Variants in USH2A observed in about 807,000 individuals in gnomAD.
USH2A encodes the protein Usher syndrome 2A (autosomal recessive, mild).
Under a neutral mutation model 538.9 loss-of-function variants are expected in USH2A, and 443 were observed. The observed-to-expected ratio is 0.82, with a 90% CI of 0.76 to 0.89. The LOEUF is 0.89. Ranked by LOEUF, USH2A falls within the 40% of genes least tolerant of loss-of-function variation. The probability of loss-of-function intolerance (pLI) is 0.00; values close to 1 mark genes in which losing one functional copy is unlikely to be tolerated. For missense variants in USH2A, 6,633 were observed against 6,324.8 expected (o/e 1.05, Z -1.65); for synonymous variants, 2,413 against 2,273.5 (o/e 1.06, Z -1.75).
chr1:215,805,291 AAAAG>A (rs1427623444), intron 49 of USH2A, among the ~76,000 whole-genome samples: 6 of 152,168 alleles, frequency 3.9e-5, no homozygotes, highest in African/African-American at 1.4e-4. Context: ...TAATAAAAAA[AAAAG>A]AAAGAAAATG....
rs775124483 is a variant in USH2A, at chr1:215,816,971, T to C, written c.9570+26A>G. 16 of 1,609,980 alleles carry C rather than the reference T, an allele frequency of 9.9e-6. No homozygotes were observed. In the South Asian group the frequency reaches 1.5e-4, roughly 15 times the overall value. On this transcript the variant is annotated intron_variant, in intron 48 of 71. Transcript: ENST00000307340. ...GAGTCTTGAGTGAGAAAAACATGGTTCACTGATTAGTTAGAAAAGACTTAC... is the reference window on the plus strand; with the variant it reads ...GAGTCTTGAGTGAGAAAAACATGGTCCACTGATTAGTTAGAAAAGACTTAC...
At chr1:216,000,890 G>C (rs917035107) in intron 32 of USH2A, among the ~76,000 whole-genome samples, 25 of 152,246 alleles carry the variant, frequency 1.6e-4, no homozygotes, top group African/African-American at 5.3e-4. Context: ...AAATAAATGA[G>C]ATGTTTAAAT....
chr1:215,775,322 C>T (rs536942277), intron 55 of USH2A, among the ~76,000 whole-genome samples: 3 of 152,276 alleles, frequency 2.0e-5, no homozygotes, highest in South Asian at 4.1e-4. Context: ...ATTTTCATTT[C>T]GCACTGGACC....
intron 4 of USH2A, among the ~76,000 whole-genome samples, chr1:216,359,238 A>G (rs2038445078): frequency 6.6e-6 from 1 of 152,124 alleles, no homozygotes; most frequent in African/African-American, 2.4e-5. Context: ...TGGTACAACA[A>G]TCATATGGAA....
At chr1:216,411,730 A>T (rs1220721120) in intron 3 of USH2A, among the ~76,000 whole-genome samples, 2 of 152,140 alleles carry the variant, frequency 1.3e-5, no homozygotes, top group East Asian at 3.9e-4. Context: ...CAAACACCAG[A>T]TGCTGGAAGA....
chr1:216,277,449 C>A (rs2036691937), intron 11 of USH2A, among the ~76,000 whole-genome samples: 1 of 152,104 alleles, frequency 6.6e-6, no homozygotes, highest in Non-Finnish European at 1.5e-5. Context: ...AGCAGGTAGT[C>A]CCACCAATAT....
chr1:216,080,857 C>T (rs923651009), intron 26 of USH2A, among the ~76,000 whole-genome samples: 12 of 151,234 alleles, frequency 7.9e-5, no homozygotes, highest in African/African-American at 2.4e-4. Flanking sequence ...GGCTCAAATA[C>T]GGTCAAGTTG....
intron 9 of USH2A, among the ~76,000 whole-genome samples, chr1:216,297,136 G>A (rs191644761): frequency 6.6e-6 from 1 of 151,938 alleles, no homozygotes; most frequent in Admixed American, 6.6e-5. Flanking sequence ...GTGTTCTTGA[G>A]TAATTGCCTG....
intron 37 of USH2A, among the ~76,000 whole-genome samples, chr1:215,936,313 G>A: frequency 6.6e-6 from 1 of 151,860 alleles, no homozygotes; most frequent in Admixed American, 6.6e-5. Flanking sequence ...CAAAATGCAA[G>A]GTTTACAATA....
chr1:216,225,426 A>G (rs1224310875), intron 14 of USH2A, among the ~76,000 whole-genome samples: 1 of 152,198 alleles, frequency 6.6e-6, no homozygotes, highest in Non-Finnish European at 1.5e-5. Context: ...AAGTGAAAAG[A>G]GACAGCTGAA....
At chr1:216,043,724 T>C (rs1436775) in intron 32 of USH2A, among the ~76,000 whole-genome samples, 19,862 of 152,064 alleles carry the variant, frequency 0.13, 1,784 homozygotes, top group African/African-American at 0.26. Flanking sequence ...CTCCTCTCCC[T>C]ACACTGCCCT....
intron 61 of USH2A, among the ~76,000 whole-genome samples, chr1:215,689,727 G>T (rs1276792418): frequency 6.6e-6 from 1 of 152,240 alleles, no homozygotes; most frequent in Non-Finnish European, 1.5e-5. Context: ...CCAACAGGAA[G>T]CCAGGGCCTC....
At chr1:215,814,925 G>C (rs1316629706) in intron 48 of USH2A, among the ~76,000 whole-genome samples, 1 of 152,050 alleles carries the variant, frequency 6.6e-6, no homozygotes, top group Non-Finnish European at 1.5e-5. Context: ...CAGGTCTTAC[G>C]TTCACTGGGA....
intron 37 of USH2A, among the ~76,000 whole-genome samples, chr1:215,951,571 T>G (rs1185229373): frequency 6.6e-6 from 1 of 152,164 alleles, no homozygotes; most frequent in African/African-American, 2.4e-5. Context: ...CTATTAGGTC[T>G]GCTTGGTGCA....
chr1:216,200,650 A>G (rs1160533205), intron 16 of USH2A, among the ~76,000 whole-genome samples: 2 of 152,232 alleles, frequency 1.3e-5, no homozygotes, highest in African/African-American at 4.8e-5. Flanking sequence ...TGAGGAATTT[A>G]CACAACAGAA....
intron 3 of USH2A, among the ~76,000 whole-genome samples, chr1:216,404,812 C>T (rs939063400): frequency 3.3e-5 from 5 of 151,792 alleles, no homozygotes; most frequent in Admixed American, 6.6e-5. Flanking sequence ...TTAGTAGAGA[C>T]GAGGTTTCAC....
At chr1:216,056,945 A>T (rs752214344) in intron 30 of USH2A, among the ~76,000 whole-genome samples, 4 of 152,224 alleles carry the variant, frequency 2.6e-5, no homozygotes, top group Non-Finnish European at 5.9e-5. Flanking sequence ...CTTCTTCTTT[A>T]TCAACTATGA....
At chr1:216,030,076 A>G (rs1669066110) in intron 32 of USH2A, among the ~76,000 whole-genome samples, 1 of 146,192 alleles carries the variant, frequency 6.8e-6, no homozygotes, top group Non-Finnish European at 1.5e-5. Context: ...TATATAATAT[A>G]TGATATATAT....
chr1:215,720,524 A>G lies in USH2A; in HGVS notation c.12066+7506T>C, dbSNP rs568757460. Among the ~76,000 whole-genome samples the G allele has an allele frequency of 8.5e-5, 13 of 152,326 alleles. No individual in the cohort carries two copies. The South Asian group carries it at 2.1e-3, about 24-fold the overall frequency. Reference sequence around the variant, plus strand: ...TTAGTCAATGAATTCCAAAGTTAGGAGACTGGCTAGGTTTCATCCAGCATG... The same window carrying G: ...TTAGTCAATGAATTCCAAAGTTAGGGGACTGGCTAGGTTTCATCCAGCATG... On this transcript the variant is annotated intron_variant, in intron 61 of 71. Coordinates refer to ENST00000307340, the MANE Select transcript of USH2A (RefSeq NM_206933.4).
Sources: gnomAD v4.1 joint callset for allele counts (sites outside exome capture counted in the v4.1 genomes callset) on GRCh38, gnomAD v4.1.1 for gene constraint, MANE v1.5 for transcripts, NCBI Gene and HGNC (gene_info 2026-07-23, HGNC 2026-07-21) for gene names.